The following CDH13 variants were observed in gnomAD, a reference collection of about 807,000 sequenced individuals.
The protein encoded by CDH13 is cadherin-13.
A neutral mutation model predicts 63.8 loss-of-function variants in CDH13; 24 were observed. The ratio of observed to expected loss-of-function variants is 0.38; its 90% confidence interval spans 0.27 to 0.53. The LOEUF (loss-of-function observed/expected upper bound fraction) is 0.53, where lower values mean the gene tolerates loss of function less well. Ranked by LOEUF, CDH13 falls within the 20% of genes least tolerant of loss-of-function variation. CDH13 has a pLI of 0.85. For missense variants in CDH13, 1,049 were observed against 903.1 expected (o/e 1.16, Z -2.07); for synonymous variants, 503 against 355.3 (o/e 1.42, Z -4.67).
intron 2 of CDH13, among the ~76,000 whole-genome samples, chr16:82,898,894 A>T (rs2041362031): frequency 6.6e-6 from 1 of 152,222 alleles, no homozygotes; most frequent in South Asian, 2.1e-4. Context: ...GTGCTTGTTT[A>T]TTAAAGAGTA....
intron 1 of CDH13, chr16:82,824,938 T>G (rs2038173359): frequency 6.6e-6 from 1 of 152,162 alleles, no homozygotes; most frequent in Non-Finnish European, 1.5e-5. Context: ...AAAATACTTT[T>G]AATCTTTTAC....
intron 6 of CDH13, among the ~76,000 whole-genome samples, chr16:83,386,927 T>TCTAG (rs1226461734): frequency 6.6e-6 from 1 of 152,170 alleles, no homozygotes; most frequent in Non-Finnish European, 1.5e-5. Context: ...TTCCATTGCA[T>TCTAG]CTAGAAAGCC....
chr16:83,238,311 A>T (rs1904281199), intron 5 of CDH13, among the ~76,000 whole-genome samples: 1 of 152,208 alleles, frequency 6.6e-6, no homozygotes, highest in Non-Finnish European at 1.5e-5. Context: ...ACAAAGGCAC[A>T]TCTTACATGG....
At position 83,678,277 on chromosome 16, in the gene CDH13, C is replaced by G. The variant is rs536843287; in HGVS notation, c.1354C>G (p.Pro452Ala). 1 of 1,613,998 alleles carries G rather than the reference C, an allele frequency of 6.2e-7. No individual in the cohort carries two copies. The highest frequency in any genetic ancestry group is 8.5e-7 in the Non-Finnish European group (1 of 1,179,898). The change falls in exon 10 of 14, where the codon CCC becomes GCC. Residue 452 changes from proline (P) to alanine (A), a missense_variant. Physicochemically the swap from Pro to Ala is conservative, Grantham distance 27 (BLOSUM62 -1). Transcript: ENST00000567109. Reference protein sequence around the residue: ...IKVENEDPLVPDVSYGPSSTA... With the variant: ...IKVENEDPLVADVSYGPSSTA... Reference sequence around the variant, plus strand: ...AGTGGAAAATGAAGACCCACTCGTACCCGACGTCTCCTACGGCCCCAGCTC... The same window carrying G: ...AGTGGAAAATGAAGACCCACTCGTAGCCGACGTCTCCTACGGCCCCAGCTC...
At position 82,705,300 on chromosome 16, in the gene CDH13, T is replaced by G. The variant is rs2031400864; in HGVS notation, c.45+78163T>G. On this transcript the variant is annotated intron_variant, in intron 1 of 13. Transcript: ENST00000567109. ...GTGAGATGTCCAATATATTCTTACTTAAGATCTGATTTCTTCTCCTTCTCT... is the reference window on the plus strand; with the variant it reads ...GTGAGATGTCCAATATATTCTTACTGAAGATCTGATTTCTTCTCCTTCTCT... 2.2e-5 allele frequency: 8 copies of G among 369,108 alleles called. No individual in the cohort carries two copies. The Admixed American group carries it at 3.1e-4, about 14-fold the overall frequency. The allele number at this position is 369,108 out of a possible 1,614,324, so 22.9% of individuals were successfully genotyped here. A position where few individuals can be genotyped will look rare whatever the true frequency, so the allele number is the denominator to read the frequency against.
At chr16:83,118,421 A>C (rs968045577) in intron 3 of CDH13, among the ~76,000 whole-genome samples, 5 of 152,194 alleles carry the variant, frequency 3.3e-5, no homozygotes, top group African/African-American at 4.8e-5. Context: ...CCGCATGTGC[A>C]TAAGTGTGTG....
At chr16:83,678,502 G>A (rs1207845509) in intron 10 of CDH13, 41 bp downstream of exon 10, 3 of 1,610,034 alleles carry the variant, frequency 1.9e-6, no homozygotes, top group African/African-American at 1.3e-5. Flanking sequence ...GAGGTGGGCA[G>A]GAATGGCTTT....
intron 4 of CDH13, among the ~76,000 whole-genome samples, chr16:83,216,419 T>TAC (rs1567513922): frequency 1.0e-5 from 1 of 95,320 alleles, no homozygotes; most frequent in Non-Finnish European, 2.1e-5. Context: ...TATATATATA[T>TAC]ATATATATAT....
chr16:83,186,135 ATTTTAT>A (rs1424954383), intron 4 of CDH13, among the ~76,000 whole-genome samples: 18 of 137,508 alleles, frequency 1.3e-4, no homozygotes, highest in African/African-American at 4.7e-4. Context: ...ATTTTATTTT[ATTTTAT>A]TTTATTTTAT....
At chr16:83,693,366 A>G (rs1905082827) in intron 10 of CDH13, among the ~76,000 whole-genome samples, 1 of 152,266 alleles carries the variant, frequency 6.6e-6, no homozygotes, top group African/African-American at 2.4e-5. Flanking sequence ...TCGCATTTTT[A>G]GCAAAATGAG....
intron 1 of CDH13, among the ~76,000 whole-genome samples, chr16:82,766,580 G>C (rs1302924651): frequency 1.3e-5 from 2 of 152,164 alleles, no homozygotes; most frequent in Non-Finnish European, 2.9e-5. Flanking sequence ...AGGCTCTTGT[G>C]AGGACTAAAT....
At chr16:83,028,086 C>T (rs117697969) in intron 2 of CDH13, among the ~76,000 whole-genome samples, 2,009 of 152,272 alleles carry the variant, frequency 0.013, 23 homozygotes, top group Non-Finnish European at 0.018. Flanking sequence ...CCCATTCACT[C>T]CCCAGCTGAG....
At position 83,344,887 on chromosome 16, in the gene CDH13, A is replaced by G. The variant is rs374048975; in HGVS notation, c.662A>G (p.Asn221Ser). The G allele has an allele frequency of 2.2e-5, 35 of 1,613,854 alleles. No homozygotes were observed. Among genetic ancestry groups the G allele is most frequent in the African/African-American group, 4.0e-5 (3 of 74,940 alleles). ...CTATTTGTGGAGACCACTGATGTCA[A>G]TGGCAAAACTCTCGAGGGGCCGGTG... is the stretch of plus-strand genomic sequence containing the variant. ...YQLFVETTDV[N>S]GKTLEGPVPL... Residue 221 changes from asparagine to serine, a missense_variant, in exon 6 of 14, where the codon AAT becomes AGT. By Grantham distance (46) the Asn-to-Ser change is conservative. Coordinates refer to ENST00000567109, the MANE Select transcript of CDH13 (RefSeq NM_001257.5).
intron 1 of CDH13, among the ~76,000 whole-genome samples, chr16:82,834,548 ACCCACAGCCCACAG>A (rs200512363): frequency 1.3e-5 from 2 of 151,962 alleles, no homozygotes; most frequent in African/African-American, 2.4e-5. Context: ...CTTTGCAGCC[ACCCACAGCCCACAG>A]CCCACAGCCC....
chr16:82,639,008 T>C (rs1372067196), intron 1 of CDH13, among the ~76,000 whole-genome samples: 1 of 152,100 alleles, frequency 6.6e-6, no homozygotes, highest in Non-Finnish European at 1.5e-5. Context: ...AAGTTTTGAG[T>C]GGTGGAGTCA....
intron 7 of CDH13, among the ~76,000 whole-genome samples, chr16:83,496,868 C>G (rs910662162): frequency 5.3e-5 from 8 of 152,206 alleles, no homozygotes; most frequent in African/African-American, 1.9e-4. Flanking sequence ...ACAGACACTT[C>G]TCAAAAGAAG....
At chr16:82,672,561 G>C (rs1365503306) in intron 1 of CDH13, among the ~76,000 whole-genome samples, 1 of 151,934 alleles carries the variant, frequency 6.6e-6, no homozygotes, top group Non-Finnish European at 1.5e-5. Context: ...ACTCTTCTCT[G>C]ATCCTTTCGC....
chr16:83,788,244 C>T (rs1197315179), intron 13 of CDH13, among the ~76,000 whole-genome samples: 4 of 152,114 alleles, frequency 2.6e-5, no homozygotes, highest in African/African-American at 7.2e-5. Flanking sequence ...TTCAGCTACT[C>T]GGGACTGGAA....
At chr16:83,254,810 C>T (rs1567542001) in intron 5 of CDH13, among the ~76,000 whole-genome samples, 3 of 152,174 alleles carry the variant, frequency 2.0e-5, no homozygotes, top group Non-Finnish European at 1.5e-5. Flanking sequence ...ATAAAGATAA[C>T]TGATTCCTGT....
Sources: allele counts gnomAD v4.1 joint callset (sites outside exome capture counted in the v4.1 genomes callset), GRCh38; gene constraint gnomAD v4.1.1; transcripts MANE v1.5; gene names NCBI Gene and HGNC (gene_info 2026-07-23, HGNC 2026-07-21).